The following DNAL1 variants were observed in gnomAD, a reference collection of about 807,000 sequenced individuals.
DNAL1 encodes the protein dynein axonemal light chain 1.
DNAL1 carries 17 observed loss-of-function variants against 29.4 expected under a neutral mutation model. That is an observed-to-expected ratio of 0.58 (90% CI 0.40 to 0.87). The LOEUF (loss-of-function observed/expected upper bound fraction) is 0.87, where lower values mean the gene tolerates loss of function less well. Among genes scored for constraint, DNAL1 ranks in the 40% least tolerant of loss-of-function variants. DNAL1 has a pLI of 0.00. For synonymous variants in DNAL1, 78 were observed against 76.3 expected (o/e 1.02, Z -0.12); for missense variants, 188 against 214.1 (o/e 0.88, Z 0.76).
At chr14:73,674,750 C>T (rs749107614) in intron 5 of DNAL1, among the ~76,000 whole-genome samples, 15 of 152,194 alleles carry the variant, frequency 9.9e-5, no homozygotes, top group Non-Finnish European at 1.9e-4. Flanking sequence ...CTATGTTGCC[C>T]AGGCTGATCT....
chr14:73,686,239 T>C (rs1344166707), intron 5 of DNAL1, among the ~76,000 whole-genome samples: 3 of 152,184 alleles, frequency 2.0e-5, no homozygotes, highest in Non-Finnish European at 4.4e-5. Flanking sequence ...AGCTGACCAG[T>C]TTGCTAAATG....
intron 5 of DNAL1, 50 bp from the exon 6 acceptor site, chr14:73,687,209 A>G: frequency 6.2e-7 from 1 of 1,601,014 alleles, no homozygotes; most frequent in Non-Finnish European, 8.5e-7. Flanking sequence ...AGAAGAAGAC[A>G]GAAAGAAAAG....
At chr14:73,670,199 G>C (rs1254633318) in intron 4 of DNAL1, among the ~76,000 whole-genome samples, 1 of 152,140 alleles carries the variant, frequency 6.6e-6, no homozygotes, top group South Asian at 2.1e-4. Context: ...AATTGGATTT[G>C]AGTTCTTACC....
At chr14:73,651,708 G>T (rs897038152) in intron 1 of DNAL1, among the ~76,000 whole-genome samples, 1 of 152,166 alleles carries the variant, frequency 6.6e-6, no homozygotes, top group Non-Finnish European at 1.5e-5. Flanking sequence ...CCGGGCTGCA[G>T]TGCAATGCCG....
rs917601884 is a variant in DNAL1 at position 73,645,036 on chromosome 14, C to G, written c.-4C>G. The G allele has an allele frequency of 6.2e-7, 1 of 1,609,444 alleles. No homozygotes were observed. Among genetic ancestry groups the G allele is most frequent in the Non-Finnish European group, 8.5e-7 (1 of 1,178,368 alleles). On this transcript the variant is annotated 5_prime_UTR_variant, in exon 1 of 8. Transcript: ENST00000553645. ...CCAGAGCAGTGACAGTAGCAACCGC[C>G]GGAATGGTGAGTACCTTTCGGGCCG... is the stretch of plus-strand genomic sequence containing the variant.
intron 7 of DNAL1, among the ~76,000 whole-genome samples, chr14:73,694,237 TATAAATAAATAAATAAATAAATAAATAA>T (rs56225198): frequency 1.8e-4 from 23 of 128,122 alleles, no homozygotes; most frequent in African/African-American, 6.1e-4. Context: ...AAGCCCTGTC[TATAAATAAATAAATAAATAAATAAATAA>T]ATAAATAAAT....
chr14:73,678,110 C>G (rs1891789223), intron 5 of DNAL1, among the ~76,000 whole-genome samples: 1 of 151,556 alleles, frequency 6.6e-6, no homozygotes, highest in Non-Finnish European at 1.5e-5. Flanking sequence ...GTTGCCCAGG[C>G]TGGTCTTGAA....
intron 5 of DNAL1, among the ~76,000 whole-genome samples, chr14:73,687,010 AT>A (rs372358652): frequency 2.6e-3 from 367 of 141,348 alleles, no homozygotes; most frequent in Middle Eastern, 7.4e-3. Flanking sequence ...ATGTTTTGTG[AT>A]TTTTTTTTTT....
chr14:73,648,866 ATATCT>A (rs1891045354), intron 1 of DNAL1, among the ~76,000 whole-genome samples: 1 of 150,970 alleles, frequency 6.6e-6, no homozygotes, highest in Admixed American at 6.6e-5. Flanking sequence ...CATGTTGAAA[ATATCT>A]TCTCTCGGCC....
chr14:73,688,627 C>CA (rs200095266), intron 6 of DNAL1, among the ~76,000 whole-genome samples: 4 of 151,086 alleles, frequency 2.6e-5, no homozygotes, highest in Admixed American at 6.6e-5. Flanking sequence ...TTTCTCAAAA[C>CA]AAAAAAAAGC....
At chr14:73,649,250 A>C (rs1356456743) in intron 1 of DNAL1, among the ~76,000 whole-genome samples, 2 of 149,410 alleles carry the variant, frequency 1.3e-5, no homozygotes, top group South Asian at 4.2e-4. Flanking sequence ...CTGGGATTAC[A>C]GGCATGAGCC....
At chr14:73,687,847 A>T (rs1356195662) in intron 6 of DNAL1, among the ~76,000 whole-genome samples, 2 of 152,198 alleles carry the variant, frequency 1.3e-5, no homozygotes, top group South Asian at 2.1e-4. Flanking sequence ...CACTCCAGCC[A>T]GGGCAGCAGA....
intron 4 of DNAL1, among the ~76,000 whole-genome samples, chr14:73,664,761 C>G (rs1195554948): frequency 6.6e-6 from 1 of 151,842 alleles, no homozygotes; most frequent in Non-Finnish European, 1.5e-5. Context: ...GTCCCAGCTA[C>G]TTAGGAGGAG....
intron 5 of DNAL1, among the ~76,000 whole-genome samples, chr14:73,682,787 A>C (rs796289068): frequency 6.6e-6 from 1 of 151,634 alleles, no homozygotes; most frequent in Non-Finnish European, 1.5e-5. Context: ...AGTAACACAC[A>C]TGGAGCCACC....
Position 73,702,467 on chromosome 14 carries a change from T to TTTTTC in DNAL1, c.*6528_*6532dup, listed in dbSNP as rs752845941. On this transcript the variant is annotated 3_prime_UTR_variant, in exon 8 of 8. Transcript: ENST00000553645. Reference sequence around the variant, plus strand: ...GCATTCATTTCTTTAGCTAAGTTTTTTTTTCTTAGTAGGTTTTTTTCTCCC... The same window carrying TTTTTC: ...GCATTCATTTCTTTAGCTAAGTTTTTTTTTCTTTTCTTAGTAGGTTTTTTTCTCCC... 2.0e-5 allele frequency: 3 copies of TTTTTC among 152,080 alleles called. No homozygotes were observed. Among genetic ancestry groups the TTTTTC allele is most frequent in the Non-Finnish European group, 4.4e-5 (3 of 68,010 alleles). 9.4% of individuals were successfully genotyped at this position (152,080 alleles called of 1,614,324 possible).
intron 7 of DNAL1, among the ~76,000 whole-genome samples, chr14:73,695,685 A>G (rs1264069420): frequency 6.6e-6 from 1 of 152,016 alleles, no homozygotes; most frequent in Non-Finnish European, 1.5e-5. Context: ...GCCCGCCACC[A>G]TGCCCAGCTA....
At chr14:73,693,272 A>G (rs536960829) in intron 7 of DNAL1, among the ~76,000 whole-genome samples, 24 of 137,936 alleles carry the variant, frequency 1.7e-4, no homozygotes, top group Admixed American at 5.8e-4. Flanking sequence ...GGCGTTATCT[A>G]CAAAACTCTA....
At chr14:73,688,101 CT>C (rs1892067141) in intron 6 of DNAL1, among the ~76,000 whole-genome samples, 1 of 152,022 alleles carries the variant, frequency 6.6e-6, no homozygotes, top group Non-Finnish European at 1.5e-5. Flanking sequence ...TATCCAAAGG[CT>C]GAAGTAATCA....
intron 5 of DNAL1, among the ~76,000 whole-genome samples, chr14:73,679,653 CTTAGTT>C (rs1891829062): frequency 6.6e-6 from 1 of 152,068 alleles, no homozygotes; most frequent in African/African-American, 2.4e-5. Context: ...TATATTTTCT[CTTAGTT>C]TGTTTCTTGT....
Sources: allele counts gnomAD v4.1 joint callset (sites outside exome capture counted in the v4.1 genomes callset), GRCh38; gene constraint gnomAD v4.1.1; transcripts MANE v1.5; gene names NCBI Gene and HGNC (gene_info 2026-07-23, HGNC 2026-07-21).